Variants in MYZAP observed in about 807,000 individuals in gnomAD.
The protein encoded by MYZAP is GRINL1A complex locus upstream.
Under a neutral mutation model 69.4 loss-of-function variants are expected in MYZAP, and 66 were observed. That is an observed-to-expected ratio of 0.95 (90% CI 0.78 to 1.17). The LOEUF (loss-of-function observed/expected upper bound fraction) is 1.17. MYZAP is among the 50% of genes most tolerant of loss of function. MYZAP has a pLI of 0.00. For missense variants in MYZAP, 611 were observed against 556.2 expected (o/e 1.10, Z -0.99); for synonymous variants, 256 against 205.9 (o/e 1.24, Z -2.09).
At chr15:57,681,521 C>T (rs1399349336) in intron 12 of MYZAP, among the ~76,000 whole-genome samples, 4 of 152,198 alleles carry the variant, frequency 2.6e-5, no homozygotes, top group South Asian at 2.1e-4. Context: ...TGGTGGCTCA[C>T]GCCTGTAATC....
chr15:57,675,018 G>C lies in MYZAP; in HGVS notation c.1254G>C (p.Lys418Asn). The C allele has an allele frequency of 1.2e-6, 2 of 1,613,588 alleles. No individual in the cohort carries two copies. Among genetic ancestry groups the C allele is most frequent in the Non-Finnish European group, 1.7e-6 (2 of 1,179,580 alleles). ...ACTATTTAACAGAAACCCAGGCCAA[G>C]ACCGAAGTGGAAACCAGAGAGATAG... ...RLDYLTETQA[K>N]TEVETREIGV... The change falls in exon 12 of 13, where the codon AAG becomes AAC. Residue 418 changes from lysine (K) to asparagine (N), a missense_variant. By Grantham distance (94) the Lys-to-Asn change is moderately conservative. Coordinates refer to ENST00000267853, the MANE Select transcript of MYZAP (RefSeq NM_001018100.5).
intron 11 of MYZAP, among the ~76,000 whole-genome samples, chr15:57,668,193 T>C (rs2038684942): frequency 6.6e-6 from 1 of 152,214 alleles, no homozygotes; most frequent in African/African-American, 2.4e-5. Flanking sequence ...GCTGACAAAA[T>C]ACATTTGAGT....
At chr15:57,615,639 G>A (rs565177292) in intron 2 of MYZAP, among the ~76,000 whole-genome samples, 2 of 152,292 alleles carry the variant, frequency 1.3e-5, no homozygotes, top group African/African-American at 4.8e-5. Context: ...TTTGTTTCCT[G>A]GTATTTGGGG....
chr15:57,598,588 A>G (rs2034214362), intron 1 of MYZAP, among the ~76,000 whole-genome samples: 1 of 152,194 alleles, frequency 6.6e-6, no homozygotes, highest in South Asian at 2.1e-4. Context: ...GGAGGCACTG[A>G]AAAATGACCA....
chr15:57,634,812 A>G (rs2036718320), intron 8 of MYZAP, among the ~76,000 whole-genome samples: 1 of 152,172 alleles, frequency 6.6e-6, no homozygotes, highest in Admixed American at 6.5e-5. Context: ...GGAAAACAGA[A>G]TCCCATCTTT....
chr15:57,595,007 C>T (rs1389773317), intron 1 of MYZAP, among the ~76,000 whole-genome samples: 1 of 152,156 alleles, frequency 6.6e-6, no homozygotes. Context: ...GCAGGGGAAA[C>T]CAGCCTATGT....
chr15:57,639,619 C>G, intron 10 of MYZAP, 74 bp downstream of exon 10: 1 of 1,517,538 alleles, frequency 6.6e-7, no homozygotes, highest in Admixed American at 1.9e-5. Context: ...ACAAGTCTGC[C>G]TTGCCCCTCC....
At chr15:57,603,489 T>G (rs1298556272) in intron 1 of MYZAP, among the ~76,000 whole-genome samples, 1 of 152,178 alleles carries the variant, frequency 6.6e-6, no homozygotes, top group Non-Finnish European at 1.5e-5. Context: ...ATACTAACTT[T>G]CCCTGTATCC....
intron 1 of MYZAP, among the ~76,000 whole-genome samples, chr15:57,601,310 A>C (rs2034402331): frequency 6.8e-6 from 1 of 146,028 alleles, no homozygotes; most frequent in Non-Finnish European, 1.5e-5. Context: ...GATGTGGTGC[A>C]GGAGAAAAGG....
At chr15:57,602,916 C>T (rs544648813) in intron 1 of MYZAP, among the ~76,000 whole-genome samples, 10 of 152,278 alleles carry the variant, frequency 6.6e-5, no homozygotes, top group African/African-American at 1.2e-4. Flanking sequence ...ATTGTCCCCT[C>T]GTACTACAGA....
chr15:57,601,081 A>C (rs527954478), intron 1 of MYZAP, among the ~76,000 whole-genome samples: 3 of 152,296 alleles, frequency 2.0e-5, no homozygotes, highest in African/African-American at 7.2e-5. Flanking sequence ...GTCTCAAAAT[A>C]AATAAATAAT....
chr15:57,610,487 G>A (rs1278573895), intron 2 of MYZAP, among the ~76,000 whole-genome samples: 2 of 152,164 alleles, frequency 1.3e-5, no homozygotes, highest in Non-Finnish European at 2.9e-5. Flanking sequence ...GACTCTGCGT[G>A]CCCCTCAGAG....
chr15:57,617,813 G>A lies in MYZAP; in HGVS notation c.163-220G>A, dbSNP rs115813707. Among the ~76,000 whole-genome samples the A allele has an allele frequency of 2.8e-3, 426 of 152,256 alleles. 3 individuals are homozygous for A. Among genetic ancestry groups the A allele is most frequent in the African/African-American group, 9.9e-3 (411 of 41,536 alleles). On this transcript the variant is annotated intron_variant, in intron 2 of 12. Coordinates refer to ENST00000267853, the MANE Select transcript of MYZAP (RefSeq NM_001018100.5). Reference sequence around the variant, plus strand: ...AGTGGACAGGCCCTTATATACATTAGCAAACGGTGCTCTTCCTCCGGGGTA... The same window carrying A: ...AGTGGACAGGCCCTTATATACATTAACAAACGGTGCTCTTCCTCCGGGGTA...
At chr15:57,606,316 G>A (rs1426412894) in intron 2 of MYZAP, among the ~76,000 whole-genome samples, 2 of 152,140 alleles carry the variant, frequency 1.3e-5, no homozygotes, top group African/African-American at 4.8e-5. Context: ...TAATATTCAT[G>A]CCAAACTTGT....
chr15:57,633,636 A>G lies in MYZAP; in HGVS notation c.828A>G (p.Lys276=), dbSNP rs1339282789. ...ALLEETNSFL[K]AIEEANKKMQ... ...AGGAAGAAACCAATAGTTTTCTGAA[A>G]GCGATTGAAGAAGCCAATAAAAAGA... Residue 276 remains lysine (K), a synonymous_variant, in exon 8 of 13, where the codon AAA becomes AAG. Coordinates refer to ENST00000267853, the MANE Select transcript of MYZAP (RefSeq NM_001018100.5). 7 of 1,613,278 alleles carry G rather than the reference A, an allele frequency of 4.3e-6. No individual in the cohort carries two copies. In the Admixed American group the frequency reaches 1.0e-4, roughly 23 times the overall value.
intron 11 of MYZAP, among the ~76,000 whole-genome samples, chr15:57,673,059 C>G (rs565009129): frequency 6.6e-6 from 1 of 152,264 alleles, no homozygotes; most frequent in African/African-American, 2.4e-5. Context: ...AGTAGATATA[C>G]AATAATTTTT....
At chr15:57,624,866 C>T (rs2131739) in intron 4 of MYZAP, among the ~76,000 whole-genome samples, 28,544 of 152,110 alleles carry the variant, frequency 0.19, 2,986 homozygotes, top group Non-Finnish European at 0.24. Flanking sequence ...CCAGAGTGCA[C>T]CTCCTGCTCT....
chr15:57,618,119 G>T lies in MYZAP; in HGVS notation c.249G>T (p.Gln83His). Residue 83 changes from glutamine (Q) to histidine (H), a missense_variant, in exon 3 of 13, where the codon CAG becomes CAT. Physicochemically the swap from Gln to His is conservative, Grantham distance 24. Transcript: ENST00000267853. ...TGGTGCGAAGATCAGATCAAAATCA[G>T]CAGAAAGAAATGGTGGTGTATGGGT... ...YGVVRRSDQN[Q>H]QKEMVVYGWS... The T allele has an allele frequency of 6.2e-7, 1 of 1,614,166 alleles. No homozygotes were observed. The highest frequency in any genetic ancestry group is 8.5e-7 in the Non-Finnish European group (1 of 1,180,020).
rs181905914 is a variant in MYZAP, at chr15:57,667,203, C to T, written c.1203+5670C>T. Among the ~76,000 whole-genome samples, 23 of 152,248 alleles carry T rather than the reference C, an allele frequency of 1.5e-4. No individual in the cohort carries two copies. In the East Asian group the frequency reaches 3.1e-3, roughly 20 times the overall value. ...TTAATTTTTCTGTGTAATGTTGGAG[C>T]GGCAGCACCAGGCACTCGGCTCCCC... On this transcript the variant is annotated intron_variant, in intron 11 of 12. Coordinates refer to ENST00000267853, the MANE Select transcript of MYZAP (RefSeq NM_001018100.5).
Sources: allele counts gnomAD v4.1 joint callset (sites outside exome capture counted in the v4.1 genomes callset), GRCh38; gene constraint gnomAD v4.1.1; transcripts MANE v1.5; gene names NCBI Gene and HGNC (gene_info 2026-07-23, HGNC 2026-07-21).